Variants in HPS5 observed in about 807,000 individuals in gnomAD.
The protein encoded by HPS5 is HPS5 biogenesis of lysosomal organelles complex 2 subunit 2.
HPS5 carries 83 observed loss-of-function variants against 128.0 expected under a neutral mutation model. The observed-to-expected ratio is 0.65, with a 90% CI of 0.54 to 0.78. The LOEUF is 0.78. HPS5 is among the 30% of genes least tolerant of loss of function. The pLI, the probability that HPS5 is intolerant of heterozygous loss-of-function variation, is 0.00. For missense variants in HPS5, 1,281 were observed against 1,326.2 expected, an observed-to-expected ratio of 0.97 and a Z score of 0.53; for synonymous variants, 475 against 470.2, an observed-to-expected ratio of 1.01 and a Z score of -0.13.
intron 15 of HPS5, among the ~76,000 whole-genome samples, chr11:18,292,522 G>A (rs1040514771): frequency 1.5e-4 from 23 of 152,196 alleles, no homozygotes; most frequent in African/African-American, 5.3e-4. Flanking sequence ...TCCAAATGAG[G>A]CTATCTCTGC....
intron 16 of HPS5, among the ~76,000 whole-genome samples, chr11:18,290,637 T>C (rs943874979): frequency 2.0e-5 from 3 of 152,192 alleles, no homozygotes; most frequent in Admixed American, 6.5e-5. Flanking sequence ...AACTAATTTC[T>C]AGGGCCAGGC....
At chr11:18,285,627 CTGTT>C (rs1244736960) in intron 19 of HPS5, among the ~76,000 whole-genome samples, 168 bp from the exon 20 acceptor site, 2 of 152,082 alleles carry the variant, frequency 1.3e-5, no homozygotes, top group Non-Finnish European at 2.9e-5. Context: ...TTCCTATAAC[CTGTT>C]TATTTTTAAA....
Sources: allele counts gnomAD v4.1 joint callset (sites outside exome capture counted in the v4.1 genomes callset), GRCh38; gene constraint gnomAD v4.1.1; transcripts MANE v1.5; gene names NCBI Gene and HGNC (gene_info 2026-07-23, HGNC 2026-07-21).